PRKAG2: variants seen among roughly 807,000 people sequenced by gnomAD.
The protein encoded by PRKAG2 is 5'-AMP-activated protein kinase subunit gamma-2.
In PRKAG2, 26 loss-of-function variants were observed where a neutral mutation model predicts 69.6. The ratio of observed to expected loss-of-function variants is 0.37; its 90% CI spans 0.27 to 0.52. The LOEUF (loss-of-function observed/expected upper bound fraction) is 0.52, where lower values mean the gene tolerates loss of function less well. PRKAG2 is among the 20% of genes least tolerant of loss of function. PRKAG2 has a pLI of 0.90. For synonymous variants in PRKAG2, 293 were observed against 285.0 expected (o/e 1.03, Z -0.28); for missense variants, 557 against 740.0 (o/e 0.75, Z 2.87).
intron 4 of PRKAG2, among the ~76,000 whole-genome samples, chr7:151,648,289 T>C (rs1827889416): frequency 6.6e-6 from 1 of 152,210 alleles, no homozygotes; most frequent in African/African-American, 2.4e-5. Context: ...AACAATTCCA[T>C]GAAATCATAG....
chr7:151,595,291 A>G (rs1174169099), intron 6 of PRKAG2, 54 bp downstream of exon 6: 4 of 1,259,042 alleles, frequency 3.2e-6, no homozygotes, highest in Non-Finnish European at 4.5e-6. Context: ...TACTGTATAA[A>G]GTAGTAGCCA....
chr7:151,834,418 G>A (rs573686224), intron 1 of PRKAG2, among the ~76,000 whole-genome samples: 2 of 152,334 alleles, frequency 1.3e-5, no homozygotes, highest in South Asian at 4.1e-4. Context: ...TTGTTTTCAG[G>A]GGAGGTGCAG....
intron 4 of PRKAG2, among the ~76,000 whole-genome samples, chr7:151,653,477 A>G (rs1031105779): frequency 1.3e-5 from 2 of 152,212 alleles, no homozygotes; most frequent in Non-Finnish European, 2.9e-5. Context: ...AGGCTACTAG[A>G]ATCCAAATCA....
intron 5 of PRKAG2, 137 bp from the exon 6 acceptor site, chr7:151,595,591 C>T (rs1814293490): frequency 1.4e-6 from 1 of 695,580 alleles, no homozygotes; most frequent in East Asian, 2.7e-5. Context: ...AAGGGCCAGG[C>T]AAGGATGCTC....
At chr7:151,872,362 C>T (rs1234181914) in intron 1 of PRKAG2, among the ~76,000 whole-genome samples, 1 of 152,242 alleles carries the variant, frequency 6.6e-6, no homozygotes, top group Non-Finnish European at 1.5e-5. Flanking sequence ...ACTCTGTACA[C>T]TTTTCCAGGC....
At chr7:151,570,129 C>T (rs748022450) in intron 10 of PRKAG2, 42 bp downstream of exon 10, 3 of 1,575,782 alleles carry the variant, frequency 1.9e-6, no homozygotes, top group Non-Finnish European at 2.6e-6. Context: ...AAAACACATA[C>T]ATCTGAATGA....
intron 1 of PRKAG2, among the ~76,000 whole-genome samples, chr7:151,845,309 C>G (rs1166143559): frequency 6.6e-6 from 1 of 152,168 alleles, no homozygotes; most frequent in Admixed American, 6.5e-5. Context: ...TGATCAGAAC[C>G]TTGAGCTGCA....
chr7:151,804,564 C>T (rs917617683), intron 1 of PRKAG2, among the ~76,000 whole-genome samples: 3 of 152,132 alleles, frequency 2.0e-5, no homozygotes, highest in Non-Finnish European at 2.9e-5. Context: ...GATGTCACCA[C>T]GAGCCCTCCT....
At chr7:151,562,101 T>C (rs1805132493) in intron 14 of PRKAG2, among the ~76,000 whole-genome samples, 2 of 146,718 alleles carry the variant, frequency 1.4e-5, no homozygotes, top group South Asian at 4.4e-4. Context: ...AAAAATTAGC[T>C]GGGCGTGGTG....
intron 5 of PRKAG2, among the ~76,000 whole-genome samples, chr7:151,599,570 G>A (rs181446487): frequency 3.7e-4 from 57 of 152,278 alleles, no homozygotes; most frequent in African/African-American, 1.0e-3. Context: ...GGGTGGTAGT[G>A]GGTGGTTTCA....
intron 6 of PRKAG2, among the ~76,000 whole-genome samples, chr7:151,586,271 C>T (rs1381691838): frequency 6.6e-6 from 1 of 152,182 alleles, no homozygotes; most frequent in East Asian, 1.9e-4. Context: ...TCCAGACGTG[C>T]CTGTCATGGC....
rs541838297 is a variant in PRKAG2, at chr7:151,820,325, C to A, written c.115-33784G>T. 7.9e-5 allele frequency among the ~76,000 whole-genome samples: 12 copies of A among 152,322 alleles called. No homozygotes were observed. In the South Asian group the frequency reaches 2.5e-3, roughly 32 times the overall value. ...AACTTCTCTGACCTCGCTCCTACCC[C>A]CATCACGATTACTCCTCCACACCCA... On this transcript the variant is annotated intron_variant, in intron 1 of 15. Coordinates refer to ENST00000287878, the MANE Select transcript of PRKAG2 (RefSeq NM_016203.4).
intron 3 of PRKAG2, among the ~76,000 whole-genome samples, chr7:151,693,877 CTTTT>C (rs577540889): frequency 6.6e-6 from 1 of 152,146 alleles, no homozygotes; most frequent in Non-Finnish European, 1.5e-5. Context: ...AATTTCTGTT[CTTTT>C]TTTGTTTTGA....
intron 4 of PRKAG2, among the ~76,000 whole-genome samples, chr7:151,671,064 C>T (rs1831951081): frequency 6.7e-6 from 1 of 148,688 alleles, no homozygotes; most frequent in African/African-American, 2.5e-5. Flanking sequence ...GCCCCAGCTA[C>T]TTGAGAGGCC....
intron 1 of PRKAG2, among the ~76,000 whole-genome samples, chr7:151,862,709 C>T (rs116264881): frequency 2.0e-5 from 3 of 152,322 alleles, no homozygotes; most frequent in Non-Finnish European, 2.9e-5. Flanking sequence ...GAGAAAGGGA[C>T]GCGGTGCCGT....
intron 3 of PRKAG2, among the ~76,000 whole-genome samples, chr7:151,717,166 A>G (rs139423736): frequency 0.097 from 14,669 of 151,850 alleles, 1,604 homozygotes; most frequent in African/African-American, 0.26. Flanking sequence ...AGAATTGCTT[A>G]AGCCCGGGAG....
chr7:151,721,247 G>A (rs912100726), intron 3 of PRKAG2, among the ~76,000 whole-genome samples: 6 of 152,016 alleles, frequency 3.9e-5, no homozygotes, highest in Admixed American at 6.5e-5. Flanking sequence ...ATCCTGAAGC[G>A]GGGGTCCTGT....
intron 3 of PRKAG2, among the ~76,000 whole-genome samples, chr7:151,710,809 C>G (rs1026990209): frequency 1.3e-5 from 2 of 152,216 alleles, no homozygotes; most frequent in Non-Finnish European, 2.9e-5. Flanking sequence ...AAGCCAGGGA[C>G]TTTGTTCTCT....
chr7:151,749,055 C>CGGTTTTCCTCATAGAGGCCCAT lies in PRKAG2; in HGVS notation c.466+32096_466+32097insATGGGCCTCTATGAGGAAAACC, dbSNP rs1563585669. Reference sequence around the variant, plus strand: ...TGACGGTTTTCCTCATAGAGGCCCACGGGCCAGATGTCTCCAGAGAGGAGA... The same window carrying CGGTTTTCCTCATAGAGGCCCAT: ...TGACGGTTTTCCTCATAGAGGCCCACGGTTTTCCTCATAGAGGCCCATGGGCCAGATGTCTCCAGAGAGGAGA... On this transcript the variant is annotated intron_variant, in intron 3 of 15. Transcript: ENST00000287878. Among the ~76,000 whole-genome samples the CGGTTTTCCTCATAGAGGCCCAT allele has an allele frequency of 3.2e-3, 469 of 147,174 alleles. 1 individual carries two copies. The highest frequency in any genetic ancestry group is 0.012 in the African/African-American group (432 of 36,826).
Sources: allele counts gnomAD v4.1 joint callset (sites outside exome capture counted in the v4.1 genomes callset), GRCh38; gene constraint gnomAD v4.1.1; transcripts MANE v1.5; gene names NCBI Gene and HGNC (gene_info 2026-07-23, HGNC 2026-07-21).